Variants in NET1 observed in about 807,000 individuals in gnomAD.
NET1 encodes neuroepithelial cell transforming 1.
NET1 carries 42 observed loss-of-function variants against 61.1 expected under a neutral mutation model. The ratio of observed to expected loss-of-function variants is 0.69; its 90% CI spans 0.54 to 0.89. The LOEUF is 0.89. Ranked by LOEUF, NET1 falls within the 40% of genes least tolerant of loss-of-function variation. NET1 has a pLI of 0.00. For synonymous variants in NET1, 254 were observed against 281.8 expected (o/e 0.90, Z 0.99); for missense variants, 654 against 747.3 (o/e 0.88, Z 1.46).
rs1475653763 is a variant in NET1, at chr10:5,441,256, G to C, written c.256-10574G>C. Among the ~76,000 whole-genome samples the C allele has an allele frequency of 6.6e-6, 1 of 152,258 alleles. No homozygotes were observed. Among genetic ancestry groups the C allele is most frequent in the African/African-American group, 2.4e-5 (1 of 41,460 alleles). The stretch of plus-strand genomic sequence containing the variant: ...ATCCCACACACCCGTGGCTACACAT[G>C]TGCATGTGCCACACAGCAGCATCCA... On this transcript the variant is annotated intron_variant, in intron 3 of 11. Transcript: ENST00000355029. The surrounding 1 kb of genome is among the most constrained non-coding windows in gnomAD (Gnocchi z 4.6).
rs1177677636 is a variant in NET1, at chr10:5,454,627, GT to G, written c.1026+109del. 2 of 1,366,230 alleles carry G rather than the reference GT, an allele frequency of 1.5e-6. No individual in the cohort carries two copies. Among genetic ancestry groups the G allele is most frequent in the African/African-American group, 2.9e-5 (2 of 68,640 alleles). 84.6% of individuals were successfully genotyped at this position (1,366,230 alleles called of 1,614,324 possible). A position where few individuals can be genotyped will look rare whatever the true frequency, so the allele number is the denominator to read the frequency against. ...CTGATTCACATCAGCATAGTGAATTGTTTTGTTGTTTTAAGTACCCAGTGCG... is the reference window on the plus strand; with the variant it reads ...CTGATTCACATCAGCATAGTGAATTGTTTGTTGTTTTAAGTACCCAGTGCG... On this transcript the variant is annotated intron_variant, in intron 9 of 11. Transcript: ENST00000355029. The surrounding 1 kb of genome is among the most constrained non-coding windows in gnomAD (Gnocchi z 8.1).
chr10:5,430,530 A>G lies in NET1; in HGVS notation c.255+1301A>G, dbSNP rs528698928. Reference sequence around the variant, plus strand: ...GCTGAGATTACAGGTGTGTGCCACCATGCCCGGCTAATTTTTGTATTTTTA... The same window carrying G: ...GCTGAGATTACAGGTGTGTGCCACCGTGCCCGGCTAATTTTTGTATTTTTA... On this transcript the variant is annotated intron_variant, in intron 3 of 11. Coordinates refer to ENST00000355029, the MANE Select transcript of NET1 (RefSeq NM_001047160.3). Among the ~76,000 whole-genome samples, 5 of 152,070 alleles carry G rather than the reference A, an allele frequency of 3.3e-5. No individual in the cohort carries two copies. In the East Asian group the frequency reaches 7.8e-4, roughly 24 times the overall value.
rs1388173539 is a variant in NET1 at position 5,444,629 on chromosome 10, A to C, written c.256-7201A>C. ...CTTTCCTTCTAACTATTCCTTTTGC[A>C]GAATTTTCCTTCCCTTGGCTTTCCT... On this transcript the variant is annotated intron_variant, in intron 3 of 11. Transcript: ENST00000355029. The surrounding 1 kb of genome is among the most constrained non-coding windows in gnomAD (Gnocchi z 5.3). Among the ~76,000 whole-genome samples, 1 of 152,184 alleles carries C rather than the reference A, an allele frequency of 6.6e-6. No homozygotes were observed. Among genetic ancestry groups the C allele is most frequent in the East Asian group, 1.9e-4 (1 of 5,194 alleles).
rs1030216884 is a variant in NET1 at position 5,437,967 on chromosome 10, A to C, written c.255+8738A>C. On this transcript the variant is annotated intron_variant, in intron 3 of 11. Transcript: ENST00000355029. This position sits in a 1 kb window ranked among gnomAD's most constrained non-coding sequence, Gnocchi z 4.3. ...CAAAAGGAAATCTAAAAAATTTATA[A>C]GTATGTGGAAATTAAACAACACATT... 6.6e-6 allele frequency among the ~76,000 whole-genome samples: 1 copy of C among 152,242 alleles called. No individual in the cohort carries two copies. The highest frequency in any genetic ancestry group is 1.5e-5 in the Non-Finnish European group (1 of 68,046).
At position 5,455,218 on chromosome 10, in the gene NET1, C is replaced by T; in HGVS notation, c.1197+100C>T. ...CAGGCTTGTAAAGGGAAAGTCATGACATAGTAAAAGAAGGTTGCCAATTTT... is the reference window on the plus strand; with the variant it reads ...CAGGCTTGTAAAGGGAAAGTCATGATATAGTAAAAGAAGGTTGCCAATTTT... On this transcript the variant is annotated intron_variant, in intron 10 of 11. Coordinates refer to ENST00000355029, the MANE Select transcript of NET1 (RefSeq NM_001047160.3). The surrounding 1 kb of genome is among the most constrained non-coding windows in gnomAD (Gnocchi z 6.5). The T allele has an allele frequency of 3.4e-6, 4 of 1,166,294 alleles. No homozygotes were observed. The highest frequency in any genetic ancestry group is 4.9e-6 in the Non-Finnish European group (4 of 814,596). The allele number at this position is 1,166,294 out of a possible 1,614,324, so 72.2% of individuals were successfully genotyped here.
Position 5,454,870 on chromosome 10 carries a change from A to G in NET1, c.1027-78A>G, listed in dbSNP as rs539114907. 1 of 1,364,474 alleles carries G rather than the reference A, an allele frequency of 7.3e-7. No homozygotes were observed. Among genetic ancestry groups the G allele is most frequent in the Non-Finnish European group, 1.0e-6 (1 of 969,690 alleles). 84.5% of individuals were successfully genotyped at this position (1,364,474 alleles called of 1,614,324 possible). A position where few individuals can be genotyped will look rare whatever the true frequency, so the allele number is the denominator to read the frequency against. ...AAGCTTTAAAGTTCTTCCATTCCAT[A>G]TGACATTTTTGCTCTGCAGGAAGCA... On this transcript the variant is annotated intron_variant, in intron 9 of 11. Transcript: ENST00000355029. The surrounding 1 kb of genome is among the most constrained non-coding windows in gnomAD (Gnocchi z 8.1).
chr10:5,446,942 G>C lies in NET1; in HGVS notation c.256-4888G>C. On this transcript the variant is annotated intron_variant, in intron 3 of 11. Coordinates refer to ENST00000355029, the MANE Select transcript of NET1 (RefSeq NM_001047160.3). This position sits in a 1 kb window ranked among gnomAD's most constrained non-coding sequence, Gnocchi z 5.0. ...TAAAATTTTTAACAAGGTATTAACAGTATAATTTTAAACTTTTGATCTTAT... is the reference window on the plus strand; with the variant it reads ...TAAAATTTTTAACAAGGTATTAACACTATAATTTTAAACTTTTGATCTTAT... 9.2e-7 allele frequency: 1 copy of C among 1,081,386 alleles called. No homozygotes were observed. The highest frequency in any genetic ancestry group is 1.3e-6 in the Non-Finnish European group (1 of 765,558). The allele number at this position is 1,081,386 out of a possible 1,614,324, so 67.0% of individuals were successfully genotyped here. A position where few individuals can be genotyped will look rare whatever the true frequency, so the allele number is the denominator to read the frequency against.
intron 2 of NET1, among the ~76,000 whole-genome samples, chr10:5,428,048 T>TCC (rs1564459990): frequency 7.3e-5 from 6 of 82,326 alleles, no homozygotes. Flanking sequence ...CTTTTTTTTT[T>TCC]TTTTTTTTTT....
At position 5,454,536 on chromosome 10, in the gene NET1, T is replaced by G. The variant is rs1832765587; in HGVS notation, c.1026+14T>G. 6.3e-7 allele frequency: 1 copy of G among 1,597,624 alleles called. No individual in the cohort carries two copies. The highest frequency in any genetic ancestry group is 8.5e-7 in the Non-Finnish European group (1 of 1,174,362). ...CTGGAGGATGCTGTAAGTAGTCCCT[T>G]AAGTGATTGTTTTGTTTTTTAAGTT... On this transcript the variant is annotated intron_variant, in intron 9 of 11. Transcript: ENST00000355029. This position sits in a 1 kb window ranked among gnomAD's most constrained non-coding sequence, Gnocchi z 8.1.
intron 1 of NET1, among the ~76,000 whole-genome samples, chr10:5,413,334 G>C (rs1215688514): frequency 6.6e-6 from 1 of 152,210 alleles, no homozygotes; most frequent in East Asian, 1.9e-4. Context: ...CATGTCCTGA[G>C]AAAGAAAAGA....
rs902270226 is a variant in NET1 at position 5,420,745 on chromosome 10, G to A, written c.129-5910G>A. 2.6e-4 allele frequency among the ~76,000 whole-genome samples: 40 copies of A among 152,126 alleles called. No individual in the cohort carries two copies. Among genetic ancestry groups the A allele is most frequent in the African/African-American group, 8.0e-4 (33 of 41,496 alleles). The stretch of plus-strand genomic sequence containing the variant: ...CGAGTAACTGGGATTACAGGCAAGC[G>A]CCACCACGCCCAGCTAATTTTTGTA... On this transcript the variant is annotated intron_variant, in intron 1 of 11. Coordinates refer to ENST00000355029, the MANE Select transcript of NET1 (RefSeq NM_001047160.3). This position sits in a 1 kb window ranked among gnomAD's most constrained non-coding sequence, Gnocchi z 5.3.
chr10:5,451,511 T>TTTAA lies in NET1; in HGVS notation c.256-319_256-318insTTAA, dbSNP rs1554818455. The stretch of plus-strand genomic sequence containing the variant: ...TTTTCATAACAATAAGGCTTTTTTT[T>TTTAA]AAAAAAAAAAAAAGTTATTCCCTGC... On this transcript the variant is annotated intron_variant, in intron 3 of 11. Coordinates refer to ENST00000355029, the MANE Select transcript of NET1 (RefSeq NM_001047160.3). The surrounding 1 kb of genome is among the most constrained non-coding windows in gnomAD (Gnocchi z 6.1). Among the ~76,000 whole-genome samples, 535 of 147,722 alleles carry TTTAA rather than the reference T, an allele frequency of 3.6e-3. 2 individuals carry two copies. Among genetic ancestry groups the TTTAA allele is most frequent in the Admixed American group, 6.9e-3 (103 of 14,890 alleles).
At chr10:5,434,039 G>A (rs186303171) in intron 3 of NET1, among the ~76,000 whole-genome samples, 3 of 151,928 alleles carry the variant, frequency 2.0e-5, no homozygotes, top group Admixed American at 1.3e-4. Flanking sequence ...TTTACTTCAC[G>A]CTGTAGAGAC....
chr10:5,454,354 C>A lies in NET1; in HGVS notation c.858C>A (p.Val286=). The A allele has an allele frequency of 3.1e-6, 5 of 1,614,164 alleles. No individual in the cohort carries two copies. Among genetic ancestry groups the A allele is most frequent in the Non-Finnish European group, 4.2e-6 (5 of 1,180,036 alleles). Residue 286 remains valine, a synonymous_variant, in exon 9 of 12, where the codon GTC becomes GTA. Coordinates refer to ENST00000355029, the MANE Select transcript of NET1 (RefSeq NM_001047160.3). The surrounding 1 kb of genome is among the most constrained non-coding windows in gnomAD (Gnocchi z 8.1). ...ATCAAAAGAAACAGGATCCAAGAGT[C>A]CAAGACTTCCTCCAGCGATGTCTCG... ...LLDQKKQDPR[V]QDFLQRCLES...
chr10:5,456,584 TCAGCTAAAAATA>T lies in NET1; in HGVS notation c.1385-3_1393del. ...TCTTTTTTTTTTCCAATTTTTTTTT[TCAGCTAAAAATA>T]TCTTTAGAATTCGCTTCCATGACCC... On this transcript the variant is annotated splice_acceptor_variant and splice_polypyrimidine_tract_variant and coding_sequence_variant and intron_variant, in exon 12 of 12. Coordinates refer to ENST00000355029, the MANE Select transcript of NET1 (RefSeq NM_001047160.3). LOFTEE classifies it high-confidence loss of function. The surrounding 1 kb of genome is among the most constrained non-coding windows in gnomAD (Gnocchi z 7.0). 6.6e-7 allele frequency: 1 copy of T among 1,520,764 alleles called. No individual in the cohort carries two copies. The highest frequency in any genetic ancestry group is 1.4e-5 in the African/African-American group (1 of 71,688). The allele number at this position is 1,520,764 out of a possible 1,614,324, so 94.2% of individuals were successfully genotyped here.
Position 5,424,212 on chromosome 10 carries a change from T to C in NET1, c.129-2443T>C, listed in dbSNP as rs1042915696. Among the ~76,000 whole-genome samples the C allele has an allele frequency of 6.6e-6, 1 of 152,242 alleles. No homozygotes were observed. Among genetic ancestry groups the C allele is most frequent in the Non-Finnish European group, 1.5e-5 (1 of 68,040 alleles). ...AAGTGCCACAGTTAATGCCACTTTG[T>C]AATGTAGATTTGTATTAGATTTAAA... is the stretch of plus-strand genomic sequence containing the variant. On this transcript the variant is annotated intron_variant, in intron 1 of 11. Coordinates refer to ENST00000355029, the MANE Select transcript of NET1 (RefSeq NM_001047160.3). This position sits in a 1 kb window ranked among gnomAD's most constrained non-coding sequence, Gnocchi z 6.1.
Position 5,424,605 on chromosome 10 carries a change from C to T in NET1, c.129-2050C>T, listed in dbSNP as rs1483669105. Reference sequence around the variant, plus strand: ...ATCAGCTTCTTAGATTGTTTTGCGCCACTAAAGAGGCCGTCAAAAATAGTT... The same window carrying T: ...ATCAGCTTCTTAGATTGTTTTGCGCTACTAAAGAGGCCGTCAAAAATAGTT... On this transcript the variant is annotated intron_variant, in intron 1 of 11. Transcript: ENST00000355029. This position sits in a 1 kb window ranked among gnomAD's most constrained non-coding sequence, Gnocchi z 6.1. Among the ~76,000 whole-genome samples the T allele has an allele frequency of 6.6e-6, 1 of 152,148 alleles. No individual in the cohort carries two copies. The highest frequency in any genetic ancestry group is 1.5e-5 in the Non-Finnish European group (1 of 68,000).
At chr10:5,445,072 A>G (rs1353437367) in intron 3 of NET1, among the ~76,000 whole-genome samples, 2 of 152,134 alleles carry the variant, frequency 1.3e-5, no homozygotes, top group Non-Finnish European at 2.9e-5. Flanking sequence ...TCATCTTTCA[A>G]CCATCTTAAA....
chr10:5,416,275 A>T lies in NET1; in HGVS notation c.128+3455A>T, dbSNP rs375069764. Among the ~76,000 whole-genome samples, 8 of 152,314 alleles carry T rather than the reference A, an allele frequency of 5.3e-5. No homozygotes were observed. The East Asian group carries it at 5.8e-4, about 11-fold the overall frequency. On this transcript the variant is annotated intron_variant, in intron 1 of 11. Coordinates refer to ENST00000355029, the MANE Select transcript of NET1 (RefSeq NM_001047160.3). The surrounding 1 kb of genome is among the most constrained non-coding windows in gnomAD (Gnocchi z 6.1). The stretch of plus-strand genomic sequence containing the variant: ...TATGTAATAGCCCTATGCCATTACC[A>T]TGGTGTTTTGATTACCGTTGCTTTG...
Sources: gnomAD v4.1 joint callset for allele counts (sites outside exome capture counted in the v4.1 genomes callset) on GRCh38, gnomAD v4.1.1 for gene constraint, Gnocchi (gnomAD v3.1) non-coding constraint, MANE v1.5 for transcripts, NCBI Gene and HGNC (gene_info 2026-07-23, HGNC 2026-07-21) for gene names.